The following NXPE2 variants were observed in gnomAD, a reference collection of about 807,000 sequenced individuals.
NXPE2 encodes NXPE family member 2.
NXPE2 carries 34 observed loss-of-function variants against 34.4 expected under a neutral mutation model. That is an observed-to-expected ratio of 0.99 (90% CI 0.75 to 1.31). NXPE2 has a LOEUF of 1.31. Ranked by LOEUF, NXPE2 falls within the 40% of genes most tolerant of loss-of-function variation. NXPE2 has a pLI of 0.00. For synonymous variants in NXPE2, 235 were observed against 231.3 expected (o/e 1.02, Z -0.15); for missense variants, 649 against 672.5 (o/e 0.97, Z 0.39).
chr11:114,475,226 GTTTTTTTTTT>G, the NXPE2 span, among the ~76,000 whole-genome samples: 48 of 88,038 alleles, frequency 5.5e-4, no homozygotes, highest in African/African-American at 1.8e-3. Flanking sequence ...AATGTGAACT[GTTTTTTTTTT>G]TTTTTTTTTT....
At chr11:114,582,797 AG>A in the NXPE2 span, 1 of 1,613,766 alleles carries the variant, frequency 6.2e-7, no homozygotes, top group African/African-American at 1.3e-5. Context: ...ACGTATCTCG[AG>A]GGTTGAGGAT....
the NXPE2 span, among the ~76,000 whole-genome samples, chr11:114,613,916 A>T: frequency 6.6e-6 from 1 of 151,988 alleles, no homozygotes; most frequent in African/African-American, 2.4e-5. Context: ...AACCACTGTT[A>T]CCCAGTGGAT....
At chr11:114,530,782 T>C in the NXPE2 span, 1 of 1,614,106 alleles carries the variant, frequency 6.2e-7, no homozygotes, top group Non-Finnish European at 8.5e-7. Flanking sequence ...TTCTCTATGA[T>C]TTCCTTTATT....
chr11:114,604,927 G>C, the NXPE2 span, among the ~76,000 whole-genome samples: 4 of 151,964 alleles, frequency 2.6e-5, no homozygotes, highest in Admixed American at 2.6e-4. Context: ...TTGCCTCTAG[G>C]GTACCCACTG....
the NXPE2 span, among the ~76,000 whole-genome samples, chr11:114,723,772 C>G: frequency 6.6e-6 from 1 of 152,128 alleles, no homozygotes; most frequent in African/African-American, 2.4e-5. Flanking sequence ...AGCACTGATT[C>G]TGAAAATGAT....
the NXPE2 span, among the ~76,000 whole-genome samples, chr11:114,524,725 A>G: frequency 3.3e-5 from 5 of 152,204 alleles, no homozygotes; most frequent in African/African-American, 1.2e-4. Context: ...GTATTGTTGT[A>G]AACCCTATGT....
chr11:114,690,293 G>T (rs1951127028), intron 2 of NXPE2, among the ~76,000 whole-genome samples: 1 of 152,148 alleles, frequency 6.6e-6, no homozygotes, highest in Admixed American at 6.5e-5. Context: ...TGGTCTGGTG[G>T]TGATTAATTC....
the NXPE2 span, among the ~76,000 whole-genome samples, chr11:114,632,115 A>G: frequency 6.9e-6 from 1 of 144,524 alleles, no homozygotes; most frequent in Non-Finnish European, 1.5e-5. Flanking sequence ...TATATAAATT[A>G]TATATTATAA....
At chr11:114,502,354 A>T in the NXPE2 span, among the ~76,000 whole-genome samples, 16 of 151,998 alleles carry the variant, frequency 1.1e-4, no homozygotes, top group Non-Finnish European at 1.9e-4. Flanking sequence ...CTCATTATAT[A>T]CTTCATGTCT....
At chr11:114,713,187 G>C in the NXPE2 span, among the ~76,000 whole-genome samples, 2 of 152,094 alleles carry the variant, frequency 1.3e-5, no homozygotes, top group Non-Finnish European at 1.5e-5. Flanking sequence ...ATGTTCTAGA[G>C]ATCTGTTGCA....
At chr11:114,784,698 G>C in the NXPE2 span, among the ~76,000 whole-genome samples, 53 of 152,132 alleles carry the variant, frequency 3.5e-4, no homozygotes, top group South Asian at 1.2e-3. Context: ...CTCTCTTCGA[G>C]AGCATTTGTG....
chr11:114,774,232 A>T, the NXPE2 span, among the ~76,000 whole-genome samples: 1 of 152,232 alleles, frequency 6.6e-6, no homozygotes, highest in Admixed American at 6.5e-5. Context: ...ACTATCACTA[A>T]GGGCAGAGAG....
intron 2 of NXPE2, among the ~76,000 whole-genome samples, chr11:114,697,638 A>G (rs904758296): frequency 6.6e-6 from 1 of 152,224 alleles, no homozygotes; most frequent in South Asian, 2.1e-4. Context: ...AGTGGAATAT[A>G]CATTCTTTCC....
At chr11:114,633,838 C>T in the NXPE2 span, among the ~76,000 whole-genome samples, 3 of 151,936 alleles carry the variant, frequency 2.0e-5, no homozygotes, top group Admixed American at 6.6e-5. Context: ...TGTATATGTG[C>T]CACATTATCT....
chr11:114,761,326 G>T, the NXPE2 span, among the ~76,000 whole-genome samples: 1 of 152,148 alleles, frequency 6.6e-6, no homozygotes, highest in African/African-American at 2.4e-5. Context: ...GAAAGAGAAA[G>T]CAATCCGTTA....
chr11:114,525,876 G>T, the NXPE2 span, among the ~76,000 whole-genome samples: 2 of 152,156 alleles, frequency 1.3e-5, no homozygotes, highest in Non-Finnish European at 2.9e-5. Context: ...CACTGGGCAG[G>T]TAGCCACCTA....
At chr11:114,630,067 A>C in the NXPE2 span, among the ~76,000 whole-genome samples, 1 of 151,722 alleles carries the variant, frequency 6.6e-6, no homozygotes, top group Non-Finnish European at 1.5e-5. Context: ...GGGTAGGAAG[A>C]ATCAATATCG....
intron 3 of NXPE2, among the ~76,000 whole-genome samples, chr11:114,703,417 A>AT (rs1242662911): frequency 6.6e-6 from 1 of 152,246 alleles, no homozygotes; most frequent in African/African-American, 2.4e-5. Flanking sequence ...AGAGCTTGTT[A>AT]TTATAGAAAT....
chr11:114,659,911 T>C, the NXPE2 span, among the ~76,000 whole-genome samples: 1 of 152,120 alleles, frequency 6.6e-6, no homozygotes, highest in Non-Finnish European at 1.5e-5. Context: ...TCAATGTTAC[T>C]GCTCAGGATG....
Sources: gnomAD v4.1 joint callset for allele counts (sites outside exome capture counted in the v4.1 genomes callset) on GRCh38, gnomAD v4.1.1 for gene constraint, MANE v1.5 for transcripts, NCBI Gene and HGNC (gene_info 2026-07-23, HGNC 2026-07-21) for gene names.